Variants in PSD3 observed in about 807,000 individuals in gnomAD.
The protein encoded by PSD3 is pleckstrin and Sec7 domain containing 3, also known as PH and SEC7 domain-containing protein 3.
In PSD3, 49 loss-of-function variants were observed where a neutral mutation model predicts 105.5. The observed-to-expected ratio is 0.46, with a 90% CI of 0.37 to 0.59. The LOEUF (loss-of-function observed/expected upper bound fraction) is 0.59, where lower values mean the gene tolerates loss of function less well. PSD3 is among the 20% of genes least tolerant of loss of function. The pLI is 0.00. For synonymous variants in PSD3, 557 were observed against 457.8 expected (o/e 1.22, Z -2.77); for missense variants, 1,561 against 1,263.8 (o/e 1.24, Z -3.57).
chr8:18,615,484 A>C (rs148160320), intron 11 of PSD3, among the ~76,000 whole-genome samples: 1,807 of 152,320 alleles, frequency 0.012, 29 homozygotes, highest in African/African-American at 0.04. Context: ...TCTATATAGA[A>C]GTAACGTGTC....
chr8:18,753,518 G>GCGCAAAAACAACAATTTAT (rs1805776003), intron 9 of PSD3, among the ~76,000 whole-genome samples: 1 of 152,024 alleles, frequency 6.6e-6, no homozygotes, highest in East Asian at 1.9e-4. Flanking sequence ...CAACAATTTA[G>GCGCAAAAACAACAATTTAT]CACAAAAACT....
At chr8:18,760,659 C>T (rs1245272629) in intron 9 of PSD3, among the ~76,000 whole-genome samples, 3 of 152,178 alleles carry the variant, frequency 2.0e-5, no homozygotes, top group Non-Finnish European at 4.4e-5. Flanking sequence ...AGGATGATTC[C>T]GTATCTGGGC....
chr8:18,730,334 G>C (rs1025252034), intron 9 of PSD3: 8 of 152,204 alleles, frequency 5.3e-5, no homozygotes, highest in African/African-American at 1.9e-4. Context: ...TTCTCCAGCT[G>C]ACAAGCGGTA....
intron 9 of PSD3, among the ~76,000 whole-genome samples, chr8:18,664,407 A>G (rs550174533): frequency 1.1e-4 from 16 of 152,370 alleles, no homozygotes; most frequent in African/African-American, 3.8e-4. Context: ...CATTCCCTTA[A>G]GGCCAAAGCC....
intron 15 of PSD3, among the ~76,000 whole-genome samples, chr8:18,541,951 C>T (rs774741420): frequency 6.6e-6 from 1 of 152,168 alleles, no homozygotes; most frequent in South Asian, 2.1e-4. Context: ...CGGGGTTTCT[C>T]CATGTTGGTC....
chr8:18,726,544 G>C (rs954399595), intron 9 of PSD3, among the ~76,000 whole-genome samples: 3 of 152,058 alleles, frequency 2.0e-5, no homozygotes, highest in Non-Finnish European at 4.4e-5. Flanking sequence ...CCTAGAACTA[G>C]GCCCAAATCT....
chr8:18,821,872 C>CACACA (rs10625767), intron 4 of PSD3, among the ~76,000 whole-genome samples: 3,930 of 137,256 alleles, frequency 0.029, 98 homozygotes, highest in East Asian at 0.095. Flanking sequence ...TGCACACACA[C>CACACA]CACACACACA....
chr8:18,853,980 A>T (rs140466053), intron 4 of PSD3: 1 of 152,050 alleles, frequency 6.6e-6, no homozygotes, highest in Non-Finnish European at 1.5e-5. Flanking sequence ...ATCTCCTTAC[A>T]ATGCTTTTCA....
chr8:18,629,835 T>C (rs1258861418), intron 11 of PSD3, among the ~76,000 whole-genome samples: 4 of 152,004 alleles, frequency 2.6e-5, no homozygotes, highest in Non-Finnish European at 5.9e-5. Context: ...ATACTCTAAA[T>C]TGGTGAATTT....
intron 8 of PSD3, among the ~76,000 whole-genome samples, chr8:18,779,103 G>C (rs1808362928): frequency 6.6e-6 from 1 of 152,124 alleles, no homozygotes; most frequent in Non-Finnish European, 1.5e-5. Flanking sequence ...TCTGTTAGAA[G>C]ACATTTTATT....
chr8:18,643,364 T>C (rs1026087128), intron 10 of PSD3, among the ~76,000 whole-genome samples: 4 of 152,328 alleles, frequency 2.6e-5, no homozygotes, highest in Non-Finnish European at 5.9e-5. Flanking sequence ...CTGTGGCCTC[T>C]GAAATACATT....
intron 8 of PSD3, among the ~76,000 whole-genome samples, chr8:18,769,608 C>T (rs1807322316): frequency 2.6e-5 from 4 of 152,156 alleles, no homozygotes; most frequent in African/African-American, 9.7e-5. Context: ...AACTCCATAC[C>T]CACCAGCAGT....
At chr8:18,911,056 T>G (rs1322974232) in intron 2 of PSD3, among the ~76,000 whole-genome samples, 1 of 152,108 alleles carries the variant, frequency 6.6e-6, no homozygotes, top group East Asian at 1.9e-4. Flanking sequence ...TGCAGTAAAC[T>G]ATGATCATGC....
At chr8:18,910,136 G>T (rs138654520) in intron 2 of PSD3, among the ~76,000 whole-genome samples, 77 of 152,002 alleles carry the variant, frequency 5.1e-4, no homozygotes, top group African/African-American at 1.8e-3. Flanking sequence ...CCCATTACTG[G>T]GTATATACCC....
At chr8:18,916,487 T>C (rs1423333733) in intron 2 of PSD3, among the ~76,000 whole-genome samples, 1 of 151,448 alleles carries the variant, frequency 6.6e-6, no homozygotes, top group East Asian at 1.9e-4. Flanking sequence ...AGGCACAGAA[T>C]GACAAATACT....
intron 9 of PSD3, chr8:18,734,095 G>A (rs1803974456): frequency 6.6e-6 from 1 of 152,060 alleles, no homozygotes; most frequent in Non-Finnish European, 1.5e-5. Context: ...GTTACTTATG[G>A]GTCTAGATAA....
chr8:18,750,229 G>A (rs909712507), intron 9 of PSD3, among the ~76,000 whole-genome samples: 14 of 152,188 alleles, frequency 9.2e-5, no homozygotes, highest in African/African-American at 3.1e-4. Context: ...GAATGAAGCC[G>A]CGGACCCTCG....
At chr8:18,740,610 G>A (rs986630410) in intron 9 of PSD3, among the ~76,000 whole-genome samples, 1 of 152,018 alleles carries the variant, frequency 6.6e-6, no homozygotes, top group Admixed American at 6.6e-5. Context: ...AATGATTTAG[G>A]AATATCAGAC....
intron 9 of PSD3, among the ~76,000 whole-genome samples, chr8:18,700,105 G>A (rs1364724417): frequency 6.6e-6 from 1 of 152,042 alleles, no homozygotes; most frequent in Non-Finnish European, 1.5e-5. Flanking sequence ...ATTTTCCTAG[G>A]CCAAGAATTA....
Sources: allele counts gnomAD v4.1 joint callset (sites outside exome capture counted in the v4.1 genomes callset), GRCh38; gene constraint gnomAD v4.1.1; transcripts MANE v1.5; gene names NCBI Gene and HGNC (gene_info 2026-07-23, HGNC 2026-07-21).